The following HS6ST3 variants were observed in gnomAD, a reference collection of about 807,000 sequenced individuals.
HS6ST3 encodes the protein heparan-sulfate 6-O-sulfotransferase 3.
Under a neutral mutation model 36.7 loss-of-function variants are expected in HS6ST3, and 12 were observed. The observed-to-expected ratio is 0.33, with a 90% confidence interval of 0.21 to 0.53. The LOEUF (loss-of-function observed/expected upper bound fraction) is 0.53. Ranked by LOEUF, HS6ST3 falls within the 20% of genes least tolerant of loss-of-function variation. The pLI, the probability that HS6ST3 is intolerant of heterozygous loss-of-function variation, is 0.95. For missense variants in HS6ST3, 584 were observed against 640.9 expected (o/e 0.91, Z 0.96); for synonymous variants, 240 against 257.5 (o/e 0.93, Z 0.65).
At chr13:96,649,067 T>C (rs895889474) in intron 1 of HS6ST3, among the ~76,000 whole-genome samples, 10 of 152,020 alleles carry the variant, frequency 6.6e-5, no homozygotes, top group Non-Finnish European at 1.2e-4. Flanking sequence ...GGACTCCTGA[T>C]TTTCCCCACA....
chr13:96,209,159 TGGA>T (rs2139356357), intron 1 of HS6ST3, among the ~76,000 whole-genome samples: 1 of 152,296 alleles, frequency 6.6e-6, no homozygotes, highest in Admixed American at 6.5e-5. Context: ...GTAATATAGA[TGGA>T]AAGATGGATT....
chr13:96,726,493 A>G (rs1329027716), intron 1 of HS6ST3, among the ~76,000 whole-genome samples: 1 of 152,166 alleles, frequency 6.6e-6, no homozygotes, highest in Non-Finnish European at 1.5e-5. Context: ...CTGCTTTTAC[A>G]TTTCAAATTC....
chr13:96,708,784 G>T (rs1356962087), intron 1 of HS6ST3, among the ~76,000 whole-genome samples: 1 of 152,142 alleles, frequency 6.6e-6, no homozygotes, highest in African/African-American at 2.4e-5. Context: ...TATGGAGAAG[G>T]CCTATCAATG....
At chr13:96,232,562 A>T (rs1479822122) in intron 1 of HS6ST3, among the ~76,000 whole-genome samples, 1 of 152,138 alleles carries the variant, frequency 6.6e-6, no homozygotes, top group Non-Finnish European at 1.5e-5. Flanking sequence ...GTTGGTGAAG[A>T]GCTCTGAGCA....
chr13:96,555,588 C>G (rs2056237351), intron 1 of HS6ST3, among the ~76,000 whole-genome samples: 1 of 152,124 alleles, frequency 6.6e-6, no homozygotes, highest in Non-Finnish European at 1.5e-5. Flanking sequence ...CAGGGCTTGT[C>G]TACAACATGC....
intron 1 of HS6ST3, among the ~76,000 whole-genome samples, chr13:96,439,537 C>T (rs915490880): frequency 5.3e-5 from 8 of 152,302 alleles, no homozygotes; most frequent in Admixed American, 3.3e-4. Context: ...GGTTGTGTGT[C>T]GTTTATTTCA....
At chr13:96,206,766 T>C (rs1243678651) in intron 1 of HS6ST3, among the ~76,000 whole-genome samples, 2 of 151,924 alleles carry the variant, frequency 1.3e-5, no homozygotes, top group Non-Finnish European at 2.9e-5. Flanking sequence ...ATGCAGAAAA[T>C]TGAAATTGGA....
chr13:96,401,667 C>T (rs187629338), intron 1 of HS6ST3, among the ~76,000 whole-genome samples: 61 of 152,172 alleles, frequency 4.0e-4, no homozygotes, highest in African/African-American at 1.4e-3. Flanking sequence ...CTCCACCTCC[C>T]GGGCTCAAGC....
chr13:96,581,906 G>C (rs962265118), intron 1 of HS6ST3, among the ~76,000 whole-genome samples: 1 of 152,146 alleles, frequency 6.6e-6, no homozygotes, highest in Admixed American at 6.5e-5. Flanking sequence ...GATCTCCAGT[G>C]CTGGCTGGGA....
At chr13:96,275,503 A>G (rs1222481304) in intron 1 of HS6ST3, among the ~76,000 whole-genome samples, 1 of 152,142 alleles carries the variant, frequency 6.6e-6, no homozygotes, top group Non-Finnish European at 1.5e-5. Context: ...GAGAATTTCC[A>G]TGTATTCATT....
intron 1 of HS6ST3, among the ~76,000 whole-genome samples, chr13:96,679,648 C>G (rs549368183): frequency 6.6e-6 from 1 of 152,152 alleles, no homozygotes; most frequent in Admixed American, 6.5e-5. Flanking sequence ...TGATATGCTT[C>G]CCTTTTGTTT....
intron 1 of HS6ST3, among the ~76,000 whole-genome samples, chr13:96,221,112 G>A (rs1202166864): frequency 4.6e-5 from 7 of 152,036 alleles, no homozygotes; most frequent in African/African-American, 7.2e-5. Flanking sequence ...CCATAAAAAC[G>A]AAAACAAAAG....
intron 1 of HS6ST3, among the ~76,000 whole-genome samples, chr13:96,716,085 T>C (rs1875688418): frequency 6.6e-6 from 1 of 152,144 alleles, no homozygotes; most frequent in African/African-American, 2.4e-5. Flanking sequence ...TTAAAACACA[T>C]TCAAGCAGCA....
intron 1 of HS6ST3, among the ~76,000 whole-genome samples, chr13:96,639,893 G>A (rs969224167): frequency 6.6e-5 from 10 of 151,888 alleles, no homozygotes; most frequent in African/African-American, 2.2e-4. Flanking sequence ...GATTTCATTT[G>A]TTTCTTATGG....
intron 1 of HS6ST3, among the ~76,000 whole-genome samples, chr13:96,831,649 G>A (rs1878783966): frequency 6.6e-6 from 1 of 152,046 alleles, no homozygotes; most frequent in Non-Finnish European, 1.5e-5. Flanking sequence ...ATCCCAAGTA[G>A]CAGTATAAAG....
At chr13:96,393,296 T>TA (rs1348180654) in intron 1 of HS6ST3, among the ~76,000 whole-genome samples, 1 of 152,098 alleles carries the variant, frequency 6.6e-6, no homozygotes, top group East Asian at 1.9e-4. Flanking sequence ...GAATGGATTG[T>TA]AGAGAGGTGG....
chr13:96,317,765 G>A (rs1765203467), intron 1 of HS6ST3, among the ~76,000 whole-genome samples: 1 of 150,964 alleles, frequency 6.6e-6, no homozygotes, highest in African/African-American at 2.4e-5. Flanking sequence ...TCTGACTGGT[G>A]TGAGATGATA....
At chr13:96,464,019 GTTTTTTTTTTTT>G (rs66703746) in intron 1 of HS6ST3, among the ~76,000 whole-genome samples, 1 of 127,434 alleles carries the variant, frequency 7.8e-6, no homozygotes, top group Admixed American at 8.1e-5. Flanking sequence ...CCATAGACAG[GTTTTTTTTTTTT>G]TTTTTTTTTT....
intron 1 of HS6ST3, among the ~76,000 whole-genome samples, chr13:96,625,663 A>G (rs1594821312): frequency 1.3e-5 from 2 of 151,942 alleles, no homozygotes; most frequent in South Asian, 4.1e-4. Flanking sequence ...GCCTTTTTGT[A>G]TATGTTAGTT....
Sources: gnomAD v4.1 joint callset for allele counts (sites outside exome capture counted in the v4.1 genomes callset) on GRCh38, gnomAD v4.1.1 for gene constraint, MANE v1.5 for transcripts, NCBI Gene and HGNC (gene_info 2026-07-23, HGNC 2026-07-21) for gene names.